OR7G2: variants seen among roughly 807,000 people sequenced by gnomAD.
The protein encoded by OR7G2 is olfactory receptor 7G2.
For missense variants in OR7G2, 362 were observed against 384.0 expected, an observed-to-expected ratio of 0.94 and a Z score of 0.48; for synonymous variants, 153 against 152.2, an observed-to-expected ratio of 1.01 and a Z score of -0.04.
chr19:9,102,645 T>C lies in OR7G2; in HGVS notation c.599A>G (p.Tyr200Cys). 1 of 1,614,082 alleles carries C rather than the reference T, an allele frequency of 6.2e-7. No individual in the cohort carries two copies. The highest frequency in any genetic ancestry group is 8.5e-7 in the Non-Finnish European group (1 of 1,180,032). The change falls in exon 2 of 2, where the codon TAT (tyrosine) becomes TGT (cysteine). Residue 200 changes from tyrosine (Y) to cysteine (C), a missense_variant. Tyr to Cys is a radical substitution (Grantham distance 194). Coordinates refer to ENST00000641081, the MANE Select transcript of OR7G2 (RefSeq NM_001005193.2). ...ACCACCAAATATGCAAGCTGCAAAA[T>C]ATATCAGGATGTTATTGATGAGGGT... ...SDTLINNILI[Y>C]FAACIFGGVP...
rs1177965246 is a variant in OR7G2 at position 9,103,082 on chromosome 19, G to A, written c.162C>T (p.His54=). 3 of 1,614,096 alleles carry A rather than the reference G, an allele frequency of 1.9e-6. No homozygotes were observed. The highest frequency in any genetic ancestry group is 1.1e-5 in the South Asian group (1 of 91,072). ...GGAAGAAGTACATGGGGGTGTGGAG[G>A]TGAGAGTCAGAGATGACAGCCAAGA... is the stretch of plus-strand genomic sequence containing the variant. ...LILLAVISDS[H]LHTPMYFFLS... is the part of the protein sequence containing the mutation. The change falls in exon 2 of 2, where the codon CAC becomes CAT. Residue 54 remains histidine, a synonymous_variant. Transcript: ENST00000641081.
At chr19:9,105,206 G>A (rs908002625) in intron 1 of OR7G2, among the ~76,000 whole-genome samples, 8 of 151,958 alleles carry the variant, frequency 5.3e-5, no homozygotes, top group African/African-American at 1.9e-4. Context: ...CTGACCTTGT[G>A]ATCCACCTGC....
At chr19:9,104,034 T>A (rs1414542087) in intron 1 of OR7G2, among the ~76,000 whole-genome samples, 2 of 151,098 alleles carry the variant, frequency 1.3e-5, no homozygotes, top group Admixed American at 1.3e-4. Context: ...CATATTTGGC[T>A]AATTAAAAAA....
chr19:9,102,032 A>C lies in OR7G2; in HGVS notation c.*237T>G, dbSNP rs113408366. 7.9e-5 allele frequency: 32 copies of C among 405,986 alleles called. No individual in the cohort carries two copies. Among genetic ancestry groups the C allele is most frequent in the Non-Finnish European group, 1.4e-4 (31 of 228,928 alleles). 25.1% of individuals were successfully genotyped at this position (405,986 alleles called of 1,614,324 possible). Reference sequence around the variant, plus strand: ...AGCCTGGCCAACATGGTGAAACTCTATCTCTACTAAAAATACAAAAATTAG... The same window carrying C: ...AGCCTGGCCAACATGGTGAAACTCTCTCTCTACTAAAAATACAAAAATTAG... On this transcript the variant is annotated 3_prime_UTR_variant, in exon 2 of 2. Transcript: ENST00000641081.
At position 9,102,121 on chromosome 19, in the gene OR7G2, TG is replaced by T; in HGVS notation, c.*147del. The T allele has an allele frequency of 1.5e-6, 1 of 663,202 alleles. No homozygotes were observed. The highest frequency in any genetic ancestry group is 2.8e-5 in the East Asian group (1 of 36,298). The allele number at this position is 663,202 out of a possible 1,614,324, so 41.1% of individuals were successfully genotyped here. A position where few individuals can be genotyped will look rare whatever the true frequency, so the allele number is the denominator to read the frequency against. ...AGGAGGCTGAGGCAGGAGGATGGCT[TG>T]AACCCGGAGGCGGAAGTTGCAGTGA... On this transcript the variant is annotated 3_prime_UTR_variant, in exon 2 of 2. Transcript: ENST00000641081.
In OR7G2 at chr19:9,102,633, C is replaced by T. The variant is rs536996762; in HGVS notation, c.611G>A (p.Cys204Tyr). ...AGACAGAGGAACACCACCAAATATG[C>T]AAGCTGCAAAATATATCAGGATGTT... ...INNILIYFAA[C>Y]IFGGVPLSGI... The change falls in exon 2 of 2, where the codon TGC becomes TAC. Residue 204 changes from cysteine to tyrosine, a missense_variant. Physicochemically the swap from Cys to Tyr is radical, Grantham distance 194. Transcript: ENST00000641081. The T allele has an allele frequency of 9.9e-6, 16 of 1,614,148 alleles. No individual in the cohort carries two copies. The African/African-American group carries it at 2.1e-4, about 22-fold the overall frequency.
At chr19:9,104,172 C>T (rs1357406737) in intron 1 of OR7G2, among the ~76,000 whole-genome samples, 2 of 152,152 alleles carry the variant, frequency 1.3e-5, no homozygotes, top group African/African-American at 4.8e-5. Flanking sequence ...CAGGTGTGAG[C>T]CATCACGCTC....
intron 1 of OR7G2, among the ~76,000 whole-genome samples, chr19:9,105,564 A>G (rs1437053587): frequency 1.3e-5 from 2 of 152,126 alleles, no homozygotes; most frequent in African/African-American, 4.8e-5. Flanking sequence ...AAAACCCTCA[A>G]CAGGCTGTGC....
rs760794730 is a variant in OR7G2, at chr19:9,102,902, G to A, written c.342C>T (p.Leu114=). 2 of 1,614,160 alleles carry A rather than the reference G, an allele frequency of 1.2e-6. No individual in the cohort carries two copies. The highest frequency in any genetic ancestry group is 1.7e-6 in the Non-Finnish European group (2 of 1,180,022). The stretch of plus-strand genomic sequence containing the variant: ...AGCGGTCATAGGCCATTGCTGCAAG[G>A]AGACAATTTTCCAAGCCAGCAAAAA... ...VLFFAGLENC[L]LAAMAYDRYV... Residue 114 remains leucine (L), a synonymous_variant, in exon 2 of 2, where the codon CTC becomes CTT. Coordinates refer to ENST00000641081, the MANE Select transcript of OR7G2 (RefSeq NM_001005193.2).
At chr19:9,103,305 A>G (rs1286060134) in intron 1 of OR7G2, 46 bp from the exon 2 acceptor site, 2 of 1,608,734 alleles carry the variant, frequency 1.2e-6, no homozygotes, top group African/African-American at 2.7e-5. Flanking sequence ...CTGCATCGGC[A>G]TCACTCGAGA....
In OR7G2 at chr19:9,102,881, G is replaced by A; in HGVS notation, c.363C>T (p.Asp121=). Residue 121 remains aspartate, a synonymous_variant, in exon 2 of 2, where the codon GAC becomes GAT. Coordinates refer to ENST00000641081, the MANE Select transcript of OR7G2 (RefSeq NM_001005193.2). ...ENCLLAAMAY[D]RYVAICHPLR... ...GGGGGTGACAAATGGCCACATAGCG[G>A]TCATAGGCCATTGCTGCAAGGAGAC... 6.2e-7 allele frequency: 1 copy of A among 1,614,074 alleles called. No individual in the cohort carries two copies. The highest frequency in any genetic ancestry group is 1.7e-5 in the Admixed American group (1 of 59,978).
At position 9,103,264 on chromosome 19, in the gene OR7G2, T is replaced by C. The variant is rs757151046; in HGVS notation, c.-16-5A>G. 9.9e-6 allele frequency: 16 copies of C among 1,613,894 alleles called. No homozygotes were observed. In the East Asian group the frequency reaches 2.7e-4, roughly 27 times the overall value. On this transcript the variant is annotated splice_region_variant and splice_polypyrimidine_tract_variant and intron_variant, in intron 1 of 1. Transcript: ENST00000641081. ...TCCATGCTGTTGATGATGAATCTGA[T>C]GGAAAAGATAATAAAATCTGTAAGC...
Position 9,100,687 on chromosome 19 carries a change from A to G in OR7G2, c.*1582T>C, listed in dbSNP as rs2145909403. 1 of 152,318 alleles carries G rather than the reference A, an allele frequency of 6.6e-6. No homozygotes were observed. Among genetic ancestry groups the G allele is most frequent in the South Asian group, 2.1e-4 (1 of 4,826 alleles). 9.4% of individuals were successfully genotyped at this position (152,318 alleles called of 1,614,324 possible). ...TAGATGCTAATGTTGTCTAGGGAGA[A>G]TATAGTTTACCAGTGACTGGTCCCA... On this transcript the variant is annotated 3_prime_UTR_variant, in exon 2 of 2. Coordinates refer to ENST00000641081, the MANE Select transcript of OR7G2 (RefSeq NM_001005193.2).
At chr19:9,103,804 C>G (rs2050369913) in intron 1 of OR7G2, among the ~76,000 whole-genome samples, 1 of 149,762 alleles carries the variant, frequency 6.7e-6, no homozygotes, top group South Asian at 2.1e-4. Flanking sequence ...GCTGGGATTA[C>G]AGGCTTGAGC....
chr19:9,102,552 G>A lies in OR7G2; in HGVS notation c.692C>T (p.Ala231Val), dbSNP rs2050360710. 2 of 1,614,158 alleles carry A rather than the reference G, an allele frequency of 1.2e-6. No individual in the cohort carries two copies. Among genetic ancestry groups the A allele is most frequent in the Non-Finnish European group, 1.7e-6 (2 of 1,180,038 alleles). Residue 231 changes from alanine to valine, a missense_variant, in exon 2 of 2, where the codon GCA becomes GTA. Transcript: ENST00000641081. ...GGAAACTGCTTTGTGCTTTCCACTT[G>A]CTGATGGCATTCTCAAAACACAGGA... ...ITSCVLRMPS[A>V]SGKHKAVSTC...
rs369985127 is a variant in OR7G2 at position 9,102,509 on chromosome 19, G to A, written c.735C>T (p.Leu245=). The part of the protein sequence containing the change: ...HKAVSTCGSH[L]SIVLLFYGAG... Reference sequence around the variant, plus strand: ...CCCCATAGAACAAGAGAACAATGGAGAGGTGAGACCCACAGGTGGAAACTG... The same window carrying A: ...CCCCATAGAACAAGAGAACAATGGAAAGGTGAGACCCACAGGTGGAAACTG... The change falls in exon 2 of 2, where the codon CTC becomes CTT. Residue 245 remains leucine (L), a synonymous_variant. Coordinates refer to ENST00000641081, the MANE Select transcript of OR7G2 (RefSeq NM_001005193.2). 6 of 1,614,060 alleles carry A rather than the reference G, an allele frequency of 3.7e-6. No homozygotes were observed. The African/African-American group carries it at 6.7e-5, about 18-fold the overall frequency.
At position 9,100,745 on chromosome 19, in the gene OR7G2, C is replaced by T. The variant is rs2050349814; in HGVS notation, c.*1524G>A. On this transcript the variant is annotated 3_prime_UTR_variant, in exon 2 of 2. Transcript: ENST00000641081. ...CTAAATTGGGTATGAAAACTTAGCTCCCTTGACCCACTGTAGGTCTACACT... is the reference window on the plus strand; with the variant it reads ...CTAAATTGGGTATGAAAACTTAGCTTCCTTGACCCACTGTAGGTCTACACT... 6.6e-6 allele frequency: 1 copy of T among 152,040 alleles called. No individual in the cohort carries two copies. The highest frequency in any genetic ancestry group is 2.4e-5 in the African/African-American group (1 of 41,392). 9.4% of individuals were successfully genotyped at this position (152,040 alleles called of 1,614,324 possible).
Position 9,102,308 on chromosome 19 carries a change from CAGAAG to C in OR7G2, c.931_935del (p.Leu311ValfsTer73), listed in dbSNP as rs1440084519. ...TGAATCCAAAGCAAATGGCACACCACAGAAGAGAAGGTATCCTCCCTATGAACTTC... is the reference window on the plus strand; with the variant it reads ...TGAATCCAAAGCAAATGGCACACCACAGAAGGTATCCTCCCTATGAACTTC... On this transcript the variant is annotated frameshift_variant, in exon 2 of 2. Coordinates refer to ENST00000641081, the MANE Select transcript of OR7G2 (RefSeq NM_001005193.2). LOFTEE classifies it low-confidence loss of function (END_TRUNC). 1 of 1,612,868 alleles carries C rather than the reference CAGAAG, an allele frequency of 6.2e-7. No individual in the cohort carries two copies. Among genetic ancestry groups the C allele is most frequent in the East Asian group, 2.2e-5 (1 of 44,896 alleles).
chr19:9,105,699 T>C (rs956747901), intron 1 of OR7G2, among the ~76,000 whole-genome samples: 5 of 151,852 alleles, frequency 3.3e-5, no homozygotes, highest in African/African-American at 1.2e-4. Flanking sequence ...TTACAAATAT[T>C]AGCCAGGCAT....
Sources: allele counts gnomAD v4.1 joint callset (sites outside exome capture counted in the v4.1 genomes callset), GRCh38; gene constraint gnomAD v4.1.1; transcripts MANE v1.5; gene names NCBI Gene and HGNC (gene_info 2026-07-23, HGNC 2026-07-21).